The following ITK variants were observed in gnomAD, a reference collection of about 807,000 sequenced individuals.
ITK encodes the protein IL2 inducible T cell kinase, also known as tyrosine-protein kinase ITK/TSK.
Under a neutral mutation model 87.6 loss-of-function variants are expected in ITK, and 45 were observed. The ratio of observed to expected loss-of-function variants is 0.51; its 90% CI spans 0.40 to 0.66. ITK has a LOEUF of 0.66. Among genes scored for constraint, ITK ranks in the 30% least tolerant of loss-of-function variants. ITK has a pLI of 0.00. For synonymous variants in ITK, 303 were observed against 273.6 expected, an observed-to-expected ratio of 1.11 and a Z score of -1.06; for missense variants, 605 against 766.3, an observed-to-expected ratio of 0.79 and a Z score of 2.48.
At position 157,211,352 on chromosome 5, in the gene ITK, G is replaced by A; in HGVS notation, c.309G>A (p.Val103=). ...APDRESRQRW[V]LALKEETRNN... ...ATCGTGAGAGCCGGCAGCGCTGGGT[G>A]CTGGCCCTTAAAGAAGGTAATTAAA... The change falls in exon 3 of 17, where the codon GTG becomes GTA. Residue 103 remains valine (V), a synonymous_variant. Coordinates refer to ENST00000422843, the MANE Select transcript of ITK (RefSeq NM_005546.4). The A allele has an allele frequency of 6.2e-7, 1 of 1,613,918 alleles. No individual in the cohort carries two copies. The highest frequency in any genetic ancestry group is 8.5e-7 in the Non-Finnish European group (1 of 1,179,780).
At chr5:157,181,754 A>G (rs1358405468) in intron 1 of ITK, among the ~76,000 whole-genome samples, 3 of 152,246 alleles carry the variant, frequency 2.0e-5, no homozygotes, top group African/African-American at 7.2e-5. Context: ...TATTAAGAAC[A>G]AAGTTTCTGC....
In ITK at chr5:157,243,661, C is replaced by T; in HGVS notation, c.1099C>T (p.Gln367Ter). 1.2e-6 allele frequency: 2 copies of T among 1,613,328 alleles called. No homozygotes were observed. Among genetic ancestry groups the T allele is most frequent in the Non-Finnish European group, 1.7e-6 (2 of 1,179,966 alleles). Residue 367 changes from glutamine to a stop codon, truncating the protein, a stop_gained, in exon 12 of 17, where the codon CAA becomes TAA. Transcript: ENST00000422843. LOFTEE classifies it high-confidence loss of function. ...CGACCCCTCAGAGCTCACTTTTGTG[C>T]AAGAGATTGGCAGTGGGCAATTTGG... ...VIDPSELTFV[Q>*]EIGSGQFGLV...
chr5:157,249,058 C>T (rs539967596), intron 16 of ITK, 51 bp downstream of exon 16: 3 of 1,509,294 alleles, frequency 2.0e-6, no homozygotes, highest in African/African-American at 1.4e-5. Context: ...ATTTGAGGAC[C>T]TCCCTCCTTC....
chr5:157,230,434 T>C (rs1754627235), intron 7 of ITK, among the ~76,000 whole-genome samples: 1 of 152,208 alleles, frequency 6.6e-6, no homozygotes, highest in Non-Finnish European at 1.5e-5. Flanking sequence ...GGGTTCTTAA[T>C]TCAAATGTGG....
rs372969468 is a variant in ITK at position 157,222,503 on chromosome 5, A to G, written c.496-360A>G. On this transcript the variant is annotated intron_variant, in intron 5 of 16. Coordinates refer to ENST00000422843, the MANE Select transcript of ITK (RefSeq NM_005546.4). ...GTAGATCTAGATAAACCCACAAATC[A>G]TATTAGTAAAGCACAAACTGAAAGA... Among the ~76,000 whole-genome samples, 14 of 152,252 alleles carry G rather than the reference A, an allele frequency of 9.2e-5. No individual in the cohort carries two copies. In the East Asian group the frequency reaches 2.3e-3, roughly 25 times the overall value.
At chr5:157,219,570 A>C (rs1754371355) in intron 5 of ITK, among the ~76,000 whole-genome samples, 1 of 152,126 alleles carries the variant, frequency 6.6e-6, no homozygotes, top group African/African-American at 2.4e-5. Flanking sequence ...CGTCCCCATA[A>C]AGGAAGCTCT....
At position 157,187,213 on chromosome 5, in the gene ITK, C is replaced by T. The variant is rs533099618; in HGVS notation, c.138+6098C>T. On this transcript the variant is annotated intron_variant, in intron 1 of 16. Transcript: ENST00000422843. ...ACAGCACATGCTGAAGTTGTAACTA[C>T]TCATTTGTTAATGTGATGATGTATT... is the stretch of plus-strand genomic sequence containing the variant. Among the ~76,000 whole-genome samples the T allele has an allele frequency of 4.9e-4, 74 of 152,364 alleles. 2 individuals are homozygous for T. The South Asian group carries it at 0.015, about 31-fold the overall frequency.
intron 1 of ITK, among the ~76,000 whole-genome samples, chr5:157,205,705 A>G (rs1255263833): frequency 6.6e-6 from 1 of 152,228 alleles, no homozygotes; most frequent in Non-Finnish European, 1.5e-5. Context: ...GAACGCCTTC[A>G]GCTTTCGCCC....
rs1754085623 is a variant in ITK at position 157,206,693 on chromosome 5, T to G, written c.139-2196T>G. ...GTGCATAGAGGTGTTCATAGTAGTCTCTGATTATTTGTATTTCTGTGGGGT... is the reference window on the plus strand; with the variant it reads ...GTGCATAGAGGTGTTCATAGTAGTCGCTGATTATTTGTATTTCTGTGGGGT... On this transcript the variant is annotated intron_variant, in intron 1 of 16. Coordinates refer to ENST00000422843, the MANE Select transcript of ITK (RefSeq NM_005546.4). 2.6e-5 allele frequency among the ~76,000 whole-genome samples: 4 copies of G among 152,340 alleles called. 1 individual carries two copies. In the South Asian group the frequency reaches 8.3e-4, roughly 32 times the overall value.
rs1334464777 is a variant in ITK at position 157,252,498 on chromosome 5, C to T, written c.1792-109C>T. The T allele has an allele frequency of 1.4e-5, 11 of 803,050 alleles. No homozygotes were observed. In the East Asian group the frequency reaches 2.4e-4, roughly 18 times the overall value. 49.7% of individuals were successfully genotyped at this position (803,050 alleles called of 1,614,324 possible). A position where few individuals can be genotyped will look rare whatever the true frequency, so the allele number is the denominator to read the frequency against. On this transcript the variant is annotated intron_variant, in intron 16 of 16. Coordinates refer to ENST00000422843, the MANE Select transcript of ITK (RefSeq NM_005546.4). ...ATATGGAATACAGTCAACATGGAAG[C>T]ACATACAAAAATCCACAGGGGATGC...
At chr5:157,190,142 T>C (rs1753725348) in intron 1 of ITK, among the ~76,000 whole-genome samples, 1 of 152,234 alleles carries the variant, frequency 6.6e-6, no homozygotes, top group Admixed American at 6.5e-5. Context: ...TTATGTCTTA[T>C]GTTGCCATAT....
chr5:157,190,491 G>T (rs943886123), intron 1 of ITK, among the ~76,000 whole-genome samples: 1 of 152,184 alleles, frequency 6.6e-6, no homozygotes, highest in Non-Finnish European at 1.5e-5. Context: ...TCTTAGGTTG[G>T]TGCACAAGTA....
intron 8 of ITK, 117 bp from the exon 9 acceptor site, chr5:157,237,992 G>C (rs189531161): frequency 2.7e-6 from 2 of 749,254 alleles, no homozygotes; most frequent in Non-Finnish European, 4.8e-6. Context: ...ACTGAAATCT[G>C]CTCTATGCCA....
At chr5:157,218,732 A>T (rs1438560432) in intron 5 of ITK, among the ~76,000 whole-genome samples, 1 of 152,198 alleles carries the variant, frequency 6.6e-6, no homozygotes, top group African/African-American at 2.4e-5. Flanking sequence ...TTCCAAGGCC[A>T]TTCAGCAACT....
Position 157,244,097 on chromosome 5 carries a change from C to G in ITK, c.1233-165C>G, listed in dbSNP as rs1754970435. On this transcript the variant is annotated intron_variant, in intron 12 of 16. Coordinates refer to ENST00000422843, the MANE Select transcript of ITK (RefSeq NM_005546.4). ...GCTGACTCCTTGCCATTTTTCAGGTCTCAGCTCCAATGACATGTTTTTGTT... is the reference window on the plus strand; with the variant it reads ...GCTGACTCCTTGCCATTTTTCAGGTGTCAGCTCCAATGACATGTTTTTGTT... 8.3e-6 allele frequency: 6 copies of G among 727,254 alleles called. No homozygotes were observed. The East Asian group carries it at 1.6e-4, about 19-fold the overall frequency. 45.1% of individuals were successfully genotyped at this position (727,254 alleles called of 1,614,324 possible).
chr5:157,188,565 C>T (rs1279946935), intron 1 of ITK, among the ~76,000 whole-genome samples: 1 of 152,164 alleles, frequency 6.6e-6, no homozygotes, highest in African/African-American at 2.4e-5. Flanking sequence ...GATGCAGGAT[C>T]TTTGCATTAG....
At chr5:157,219,961 ACAAAGGT>A (rs757847198) in intron 5 of ITK, among the ~76,000 whole-genome samples, 3 of 152,190 alleles carry the variant, frequency 2.0e-5, no homozygotes, top group Admixed American at 6.5e-5. Flanking sequence ...TGTTCTGACC[ACAAAGGT>A]TTTGGAATCA....
At chr5:157,239,922 C>G in intron 9 of ITK, 140 bp from the exon 10 acceptor site, 1 of 867,892 alleles carries the variant, frequency 1.2e-6, no homozygotes, top group Non-Finnish European at 1.8e-6. Context: ...TCTGTCAAGA[C>G]AGACTTATAA....
rs1010738640 is a variant in ITK, at chr5:157,253,625, T to A, written c.*947T>A. On this transcript the variant is annotated 3_prime_UTR_variant, in exon 17 of 17. Transcript: ENST00000422843. ...CCAGCCTCTGGGAATCAGCCCCCCCTCTCTGCACTATCCGATCCTCATCAA... is the reference window on the plus strand; with the variant it reads ...CCAGCCTCTGGGAATCAGCCCCCCCACTCTGCACTATCCGATCCTCATCAA... 2 of 227,828 alleles carry A rather than the reference T, an allele frequency of 8.8e-6. No homozygotes were observed. Among genetic ancestry groups the A allele is most frequent in the East Asian group, 6.3e-5 (1 of 15,988 alleles). The allele number at this position is 227,828 out of a possible 1,614,324, so 14.1% of individuals were successfully genotyped here.
Sources: gnomAD v4.1 joint callset for allele counts (sites outside exome capture counted in the v4.1 genomes callset) on GRCh38, gnomAD v4.1.1 for gene constraint, MANE v1.5 for transcripts, NCBI Gene and HGNC (gene_info 2026-07-23, HGNC 2026-07-21) for gene names.